Variants in CSMD3 observed in about 807,000 individuals in gnomAD.
CSMD3 encodes the protein CUB and sushi domain-containing protein 3.
Under a neutral mutation model 435.2 loss-of-function variants are expected in CSMD3, and 177 were observed. That is an observed-to-expected ratio of 0.41 (90% CI 0.36 to 0.46). The LOEUF is 0.46. Ranked by LOEUF, CSMD3 falls within the 20% of genes least tolerant of loss-of-function variation. The probability of loss-of-function intolerance (pLI) is 0.34; values close to 1 mark genes in which losing one functional copy is unlikely to be tolerated. For synonymous variants in CSMD3, 1,656 were observed against 1,520.5 expected, an observed-to-expected ratio of 1.09 and a Z score of -2.07; for missense variants, 4,265 against 4,504.6, an observed-to-expected ratio of 0.95 and a Z score of 1.52.
At chr8:112,914,194 T>C (rs1289532477) in intron 10 of CSMD3, among the ~76,000 whole-genome samples, 1 of 152,050 alleles carries the variant, frequency 6.6e-6, no homozygotes, top group African/African-American at 2.4e-5. Context: ...CATTTCTGTC[T>C]TCTGTCTTTC....
chr8:112,965,216 G>A (rs10505198), intron 7 of CSMD3, among the ~76,000 whole-genome samples: 2,175 of 151,982 alleles, frequency 0.014, 60 homozygotes, highest in African/African-American at 0.05. Context: ...AGTCACATAC[G>A]CCACATTCAC....
chr8:113,271,546 C>T (rs1269275533), intron 3 of CSMD3, among the ~76,000 whole-genome samples: 1 of 152,150 alleles, frequency 6.6e-6, no homozygotes, highest in East Asian at 1.9e-4. Context: ...TGCGGGTGAA[C>T]AGAAGCCAAG....
intron 13 of CSMD3, among the ~76,000 whole-genome samples, chr8:112,796,690 A>G (rs2132314256): frequency 6.7e-6 from 1 of 149,522 alleles, no homozygotes; most frequent in South Asian, 2.2e-4. Context: ...ACAAAACAAA[A>G]CTAATGTTTC....
intron 32 of CSMD3, among the ~76,000 whole-genome samples, chr8:112,460,605 C>T (rs1817349769): frequency 6.6e-6 from 1 of 151,946 alleles, no homozygotes; most frequent in Non-Finnish European, 1.5e-5. Flanking sequence ...ATGTTATCTA[C>T]CATTGAATGA....
At chr8:113,018,058 G>A (rs903604992) in intron 6 of CSMD3, among the ~76,000 whole-genome samples, 11 of 151,952 alleles carry the variant, frequency 7.2e-5, no homozygotes, top group African/African-American at 1.7e-4. Flanking sequence ...GGACTTTGTC[G>A]AAAATCTTGA....
At chr8:113,264,496 T>C (rs1019934399) in intron 3 of CSMD3, among the ~76,000 whole-genome samples, 3 of 151,342 alleles carry the variant, frequency 2.0e-5, no homozygotes, top group Non-Finnish European at 4.4e-5. Flanking sequence ...AAGCCTTTTA[T>C]GCCATCCCAT....
intron 3 of CSMD3, among the ~76,000 whole-genome samples, chr8:113,256,391 T>C (rs2093381012): frequency 6.6e-6 from 1 of 152,188 alleles, no homozygotes; most frequent in Non-Finnish European, 1.5e-5. Flanking sequence ...ACACCATTCC[T>C]TATTCCCCAG....
intron 2 of CSMD3, among the ~76,000 whole-genome samples, chr8:113,296,256 C>T (rs1462136415): frequency 4.0e-5 from 6 of 150,658 alleles, no homozygotes; most frequent in Admixed American, 2.0e-4. Context: ...TGTAACAAAC[C>T]TGCATATTGT....
At chr8:112,960,503 A>G (rs2084187968) in intron 7 of CSMD3, among the ~76,000 whole-genome samples, 1 of 151,808 alleles carries the variant, frequency 6.6e-6, no homozygotes, top group African/African-American at 2.4e-5. Flanking sequence ...TGGGTTACAC[A>G]GGAAGACGAT....
chr8:112,681,140 T>G (rs1374094431), intron 16 of CSMD3, among the ~76,000 whole-genome samples: 1 of 151,784 alleles, frequency 6.6e-6, no homozygotes, highest in Non-Finnish European at 1.5e-5. Flanking sequence ...GTTCAAGCGA[T>G]TCCCCTGCCT....
chr8:113,240,312 G>T (rs1451613514), intron 3 of CSMD3, among the ~76,000 whole-genome samples: 2 of 152,090 alleles, frequency 1.3e-5, no homozygotes, highest in Non-Finnish European at 2.9e-5. Context: ...GTGCTGCAAT[G>T]AACATACATG....
At chr8:112,404,164 A>C (rs1244130230) in intron 35 of CSMD3, among the ~76,000 whole-genome samples, 2 of 152,126 alleles carry the variant, frequency 1.3e-5, no homozygotes, top group Non-Finnish European at 2.9e-5. Context: ...ATCCTAGCAC[A>C]ATTGTTGACA....
intron 23 of CSMD3, among the ~76,000 whole-genome samples, chr8:112,577,215 A>G (rs1830012300): frequency 6.6e-6 from 1 of 152,134 alleles, no homozygotes; most frequent in African/African-American, 2.4e-5. Flanking sequence ...TATTTAACTC[A>G]TAAATAAAAT....
intron 22 of CSMD3, among the ~76,000 whole-genome samples, chr8:112,631,472 T>G (rs10505171): frequency 0.49 from 74,441 of 151,722 alleles, 18,884 homozygotes; most frequent in African/African-American, 0.59. Context: ...AGGTAATAAA[T>G]GAATGTTGCT....
chr8:112,650,966 A>G (rs928089298), intron 18 of CSMD3, among the ~76,000 whole-genome samples: 1 of 152,032 alleles, frequency 6.6e-6, no homozygotes, highest in African/African-American at 2.4e-5. Flanking sequence ...GGCACTGTTG[A>G]CATTTTGGAC....
At chr8:113,254,701 T>C (rs2093365025) in intron 3 of CSMD3, among the ~76,000 whole-genome samples, 1 of 152,200 alleles carries the variant, frequency 6.6e-6, no homozygotes, top group Non-Finnish European at 1.5e-5. Context: ...AAGTTGTATA[T>C]GCCTAAAATG....
intron 13 of CSMD3, among the ~76,000 whole-genome samples, chr8:112,775,067 C>T (rs1326649793): frequency 1.3e-5 from 2 of 151,764 alleles, no homozygotes; most frequent in Non-Finnish European, 2.9e-5. Flanking sequence ...CTTATATGCC[C>T]CCACTTTGCT....
At chr8:112,594,547 G>C (rs912795965) in intron 22 of CSMD3, among the ~76,000 whole-genome samples, 1 of 152,190 alleles carries the variant, frequency 6.6e-6, no homozygotes, top group African/African-American at 2.4e-5. Context: ...GCCTCTGTAG[G>C]CTCCACCTCT....
At chr8:112,822,454 G>C (rs1387731486) in intron 12 of CSMD3, among the ~76,000 whole-genome samples, 1 of 152,006 alleles carries the variant, frequency 6.6e-6, no homozygotes, top group Non-Finnish European at 1.5e-5. Context: ...CTGTCTGCTT[G>C]TCTATTGTTG....
Sources: gnomAD v4.1 joint callset for allele counts (sites outside exome capture counted in the v4.1 genomes callset) on GRCh38, gnomAD v4.1.1 for gene constraint, MANE v1.5 for transcripts, NCBI Gene and HGNC (gene_info 2026-07-23, HGNC 2026-07-21) for gene names.